The following POFUT3 variants were observed in gnomAD, a reference collection of about 807,000 sequenced individuals.
POFUT3 encodes GDP-fucose protein O-fucosyltransferase 3.
chr8:33,373,788 G>A, the POFUT3 span, among the ~76,000 whole-genome samples: 1 of 152,070 alleles, frequency 6.6e-6, no homozygotes, highest in African/African-American at 2.4e-5. Context: ...AGAGTAAAAG[G>A]ACTGTTCTTG....
the POFUT3 span, chr8:33,371,156 C>T: frequency 1.3e-5 from 2 of 152,058 alleles, no homozygotes; most frequent in African/African-American, 2.4e-5. Flanking sequence ...AAAACTAAGG[C>T]CGATGGAGGT....
the POFUT3 span, chr8:33,436,564 G>A: frequency 5.4e-6 from 5 of 917,486 alleles, no homozygotes; most frequent in Admixed American, 3.5e-5. Flanking sequence ...TTCCTCTGCA[G>A]TTCTGTCTTC....
the POFUT3 span, among the ~76,000 whole-genome samples, chr8:33,311,546 AC>A: frequency 6.6e-6 from 1 of 152,176 alleles, no homozygotes; most frequent in African/African-American, 2.4e-5. Context: ...AGAGCGCCTT[AC>A]CCTCACTATA....
chr8:33,318,590 T>C, the POFUT3 span, among the ~76,000 whole-genome samples: 1 of 86,246 alleles, frequency 1.2e-5, no homozygotes, highest in Non-Finnish European at 1.9e-5. Context: ...TGTATATATA[T>C]TTATATAATA....
At chr8:33,359,654 A>G in the POFUT3 span, among the ~76,000 whole-genome samples, 1 of 152,218 alleles carries the variant, frequency 6.6e-6, no homozygotes, top group East Asian at 1.9e-4. Context: ...TCACCCCACC[A>G]TAGCTATATT....
the POFUT3 span, among the ~76,000 whole-genome samples, chr8:33,337,204 C>G: frequency 6.6e-6 from 1 of 152,136 alleles, no homozygotes; most frequent in African/African-American, 2.4e-5. Flanking sequence ...TAGGATCTTG[C>G]TGTTTTAAAA....
At chr8:33,427,596 TA>T in the POFUT3 span, among the ~76,000 whole-genome samples, 5 of 150,514 alleles carry the variant, frequency 3.3e-5, no homozygotes, top group African/African-American at 9.8e-5. Flanking sequence ...AAGCAAAAAA[TA>T]AAAAACAAAT....
the POFUT3 span, among the ~76,000 whole-genome samples, chr8:33,324,763 A>C: frequency 1.2e-4 from 18 of 150,540 alleles, no homozygotes; most frequent in East Asian, 3.4e-3. Context: ...ATCTCACAGC[A>C]CCATCGCCTA....
At chr8:33,444,531 A>T in the POFUT3 span, among the ~76,000 whole-genome samples, 1 of 151,974 alleles carries the variant, frequency 6.6e-6, no homozygotes, top group Non-Finnish European at 1.5e-5. Context: ...AAAAATAATT[A>T]TCTGGGCCGG....
the POFUT3 span, among the ~76,000 whole-genome samples, chr8:33,380,230 C>CTATATATATATATACTA: frequency 3.7e-5 from 2 of 54,764 alleles, no homozygotes; most frequent in African/African-American, 3.0e-4. Context: ...TATATATATA[C>CTATATATATATATACTA]TATATATATA....
the POFUT3 span, among the ~76,000 whole-genome samples, chr8:33,425,104 G>A: frequency 6.6e-6 from 1 of 152,154 alleles, no homozygotes; most frequent in Admixed American, 6.5e-5. Context: ...GGGAGGTCCA[G>A]AAGGAAGGAT....
chr8:33,317,594 G>A, the POFUT3 span, among the ~76,000 whole-genome samples: 936 of 152,192 alleles, frequency 6.2e-3, 13 homozygotes, highest in African/African-American at 0.022. Flanking sequence ...AAATGTATAA[G>A]CCCTGTCTTT....
the POFUT3 span, among the ~76,000 whole-genome samples, chr8:33,406,053 TAGAG>T: frequency 1.3e-5 from 2 of 152,064 alleles, no homozygotes; most frequent in East Asian, 3.9e-4. Flanking sequence ...AGATATTAGA[TAGAG>T]AAATAATCGC....
At chr8:33,389,945 A>C in the POFUT3 span, 1 of 629,632 alleles carries the variant, frequency 1.6e-6, no homozygotes, top group Non-Finnish European at 2.7e-6. Context: ...CTGTAATCCC[A>C]GCACTTTGGG....
chr8:33,344,396 C>T, the POFUT3 span, among the ~76,000 whole-genome samples: 3 of 152,114 alleles, frequency 2.0e-5, no homozygotes, highest in Non-Finnish European at 2.9e-5. Context: ...AACCACGTAT[C>T]GATGGTTAAT....
At chr8:33,378,269 G>A in the POFUT3 span, among the ~76,000 whole-genome samples, 10 of 152,228 alleles carry the variant, frequency 6.6e-5, no homozygotes, top group East Asian at 5.8e-4. Flanking sequence ...AAGCCACTGC[G>A]GGAGCAGTAG....
At chr8:33,458,721 A>AAAAAAC in the POFUT3 span, among the ~76,000 whole-genome samples, 1 of 152,090 alleles carries the variant, frequency 6.6e-6, no homozygotes, top group Non-Finnish European at 1.5e-5. Flanking sequence ...CTCAAAAAAC[A>AAAAAAC]AAAAACAAAA....
At chr8:33,351,969 T>C in the POFUT3 span, among the ~76,000 whole-genome samples, 2 of 152,182 alleles carry the variant, frequency 1.3e-5, no homozygotes, top group East Asian at 1.9e-4. Context: ...GGGGTTCACA[T>C]TGAGACAAAA....
At chr8:33,337,640 A>AT in the POFUT3 span, among the ~76,000 whole-genome samples, 44,978 of 151,744 alleles carry the variant, frequency 0.3, 7,437 homozygotes, top group South Asian at 0.5. Context: ...TTTTACAGAA[A>AT]CCAAAGGAAT....
Sources: allele counts gnomAD v4.1 joint callset (sites outside exome capture counted in the v4.1 genomes callset), GRCh38; gene constraint gnomAD v4.1.1; transcripts MANE v1.5; gene names NCBI Gene and HGNC (gene_info 2026-07-23, HGNC 2026-07-21).